The following EPB41L4A variants were observed in gnomAD, a reference collection of about 807,000 sequenced individuals.
EPB41L4A encodes erythrocyte membrane protein band 4.1 like 4A.
Under a neutral mutation model 108.6 loss-of-function variants are expected in EPB41L4A, and 100 were observed. That is an observed-to-expected ratio of 0.92 (90% confidence interval 0.78 to 1.09). The LOEUF is 1.09. EPB41L4A is among the 50% of genes least tolerant of loss of function. The pLI, the probability that EPB41L4A is intolerant of heterozygous loss-of-function variation, is 0.00. For synonymous variants in EPB41L4A, 319 were observed against 289.0 expected (o/e 1.10, Z -1.05); for missense variants, 1,030 against 842.7 (o/e 1.22, Z -2.75).
At chr5:112,174,201 T>G (rs1219181174) in intron 18 of EPB41L4A, among the ~76,000 whole-genome samples, 1 of 152,234 alleles carries the variant, frequency 6.6e-6, no homozygotes, top group Admixed American at 6.5e-5. Flanking sequence ...ACAAGCTGCA[T>G]GTTAATGAGG....
chr5:112,214,241 C>A (rs1460169341), intron 12 of EPB41L4A, among the ~76,000 whole-genome samples: 1 of 152,148 alleles, frequency 6.6e-6, no homozygotes. Flanking sequence ...AGAACAGTTC[C>A]ATTTTGAAGA....
intron 12 of EPB41L4A, among the ~76,000 whole-genome samples, chr5:112,148,940 G>A (rs1049573132): frequency 6.6e-6 from 1 of 151,796 alleles, no homozygotes; most frequent in Non-Finnish European, 1.5e-5. Flanking sequence ...TCATTGACAG[G>A]GAATGCCTGT....
At chr5:112,314,588 T>C (rs1014529713) in intron 1 of EPB41L4A, among the ~76,000 whole-genome samples, 2 of 134,948 alleles carry the variant, frequency 1.5e-5, no homozygotes, top group Non-Finnish European at 3.1e-5. Flanking sequence ...TCCCAGCTAC[T>C]ACAAGGTCAG....
intron 13 of EPB41L4A, among the ~76,000 whole-genome samples, chr5:112,144,124 C>T (rs1759163773): frequency 6.6e-6 from 1 of 152,136 alleles, no homozygotes; most frequent in Admixed American, 6.5e-5. Context: ...ATTTTAACCA[C>T]CCTGATATGG....
At chr5:112,407,747 GAA>G (rs551918551) in intron 1 of EPB41L4A, among the ~76,000 whole-genome samples, 2 of 152,102 alleles carry the variant, frequency 1.3e-5, no homozygotes, top group Non-Finnish European at 2.9e-5. Context: ...AGCTTATAGA[GAA>G]AAGTTTTGGA....
chr5:112,349,576 G>A (rs769768380), intron 1 of EPB41L4A, among the ~76,000 whole-genome samples: 39 of 152,194 alleles, frequency 2.6e-4, no homozygotes, highest in Non-Finnish European at 1.0e-4. Flanking sequence ...TTCGGAATGA[G>A]ACTGAAAAAT....
At position 112,194,663 on chromosome 5, in the gene EPB41L4A, A is replaced by G. The variant is rs1335955998; in HGVS notation, c.1425-18T>C. ...AACGTGACCTGAAGACAAAAAGGTA[A>G]GAACAAAAGAAAAAACACACATTTA... On this transcript the variant is annotated intron_variant, in intron 16 of 22. Transcript: ENST00000261486. The G allele has an allele frequency of 1.3e-6, 2 of 1,570,892 alleles. No individual in the cohort carries two copies. The highest frequency in any genetic ancestry group is 1.7e-6 in the Non-Finnish European group (2 of 1,155,376).
chr5:112,390,465 G>C (rs763845234), intron 1 of EPB41L4A, among the ~76,000 whole-genome samples: 4 of 152,130 alleles, frequency 2.6e-5, no homozygotes, highest in Non-Finnish European at 5.9e-5. Context: ...GTCCGAGATC[G>C]AGCTGTGAGC....
In EPB41L4A at chr5:112,299,553, G is replaced by A. The variant is rs185371094; in HGVS notation, c.204+7833C>T. On this transcript the variant is annotated intron_variant, in intron 2 of 22. Coordinates refer to ENST00000261486, the MANE Select transcript of EPB41L4A (RefSeq NM_022140.5). ...TAAATGGCCAGGCGTGGTGGCTCCC[G>A]CCTGTAATCCCAGCACCAAGGCAGG... is the stretch of plus-strand genomic sequence containing the variant. Among the ~76,000 whole-genome samples the A allele has an allele frequency of 1.6e-4, 25 of 152,216 alleles. No individual in the cohort carries two copies. In the Middle Eastern group the frequency reaches 0.01, roughly 62 times the overall value.
intron 4 of EPB41L4A, among the ~76,000 whole-genome samples, chr5:112,272,332 G>T (rs1346163344): frequency 2.0e-5 from 3 of 151,388 alleles, no homozygotes; most frequent in Non-Finnish European, 4.4e-5. Context: ...TAGTAGAGAC[G>T]GGGTTTCACT....
At chr5:112,220,181 T>A (rs1453970535) in intron 12 of EPB41L4A, among the ~76,000 whole-genome samples, 1 of 152,246 alleles carries the variant, frequency 6.6e-6, no homozygotes, top group African/African-American at 2.4e-5. Flanking sequence ...GTATATGTAA[T>A]GTATTCTGTT....
At chr5:112,160,119 C>T (rs1385575200), downstream of EPB41L4A, among the ~76,000 whole-genome samples, 1 of 151,998 alleles carries the variant, frequency 6.6e-6, no homozygotes, top group Non-Finnish European at 1.5e-5. Context: ...CCATGTTGGC[C>T]AGGCTGGTCT....
intron 1 of EPB41L4A, among the ~76,000 whole-genome samples, chr5:112,379,305 T>C (rs1004632342): frequency 6.6e-6 from 1 of 152,208 alleles, no homozygotes; most frequent in Non-Finnish European, 1.5e-5. Flanking sequence ...TTTCCCCACA[T>C]AGGCTGAACA....
downstream of EPB41L4A, chr5:112,161,811 A>T (rs1021561543): frequency 3.4e-6 from 1 of 296,706 alleles, no homozygotes. Flanking sequence ...TTGTAATGGG[A>T]ATTTTTATCA....
chr5:112,171,426 C>T (rs1049794935), intron 18 of EPB41L4A, among the ~76,000 whole-genome samples: 1 of 152,188 alleles, frequency 6.6e-6, no homozygotes. Flanking sequence ...AAGGAAAAAG[C>T]AACTGGTGGG....
intron 2 of EPB41L4A, among the ~76,000 whole-genome samples, chr5:112,297,976 A>G (rs1754113405): frequency 1.3e-5 from 2 of 152,008 alleles, no homozygotes; most frequent in African/African-American, 2.4e-5. Context: ...ATTCTATTCC[A>G]TTGGTCTATG....
intron 1 of EPB41L4A, 65 bp from the exon 2 acceptor site, chr5:112,307,555 T>C (rs1310753055): frequency 1.6e-5 from 16 of 1,027,370 alleles, no homozygotes; most frequent in Middle Eastern, 2.0e-4. Flanking sequence ...TACACAGTCA[T>C]GGTTCTCATC....
intron 6 of EPB41L4A, chr5:112,264,573 C>T (rs1751718695): frequency 5.9e-6 from 1 of 168,134 alleles, no homozygotes; most frequent in Admixed American, 6.4e-5. Context: ...CAGAATGATT[C>T]CACTATGTAA....
chr5:112,148,353 G>C (rs1285859692), intron 12 of EPB41L4A, among the ~76,000 whole-genome samples: 1 of 151,068 alleles, frequency 6.6e-6, no homozygotes, highest in Non-Finnish European at 1.5e-5. Context: ...GGATAAATGT[G>C]AATATTTTAA....
Sources: allele counts gnomAD v4.1 joint callset (sites outside exome capture counted in the v4.1 genomes callset), GRCh38; gene constraint gnomAD v4.1.1; transcripts MANE v1.5; gene names NCBI Gene and HGNC (gene_info 2026-07-23, HGNC 2026-07-21).